TMEM202: variants seen among roughly 807,000 people sequenced by gnomAD.
TMEM202 encodes the protein transmembrane protein 202.
TMEM202 carries 25 observed loss-of-function variants against 26.1 expected under a neutral mutation model. That is an observed-to-expected ratio of 0.96 (90% CI 0.70 to 1.34). The LOEUF is 1.34. Among genes scored for constraint, TMEM202 ranks in the 40% most tolerant of loss-of-function variants. The pLI is 0.00. For synonymous variants in TMEM202, 122 were observed against 119.0 expected (o/e 1.02, Z -0.16); for missense variants, 301 against 327.7 (o/e 0.92, Z 0.63).
At position 72,398,544 on chromosome 15, in the gene TMEM202, T is replaced by A. The variant is rs1205974237; in HGVS notation, c.82-109T>A. The A allele has an allele frequency of 1.6e-5, 23 of 1,445,950 alleles. No homozygotes were observed. In the East Asian group the frequency reaches 4.4e-4, roughly 28 times the overall value. The allele number at this position is 1,445,950 out of a possible 1,614,324, so 89.6% of individuals were successfully genotyped here. On this transcript the variant is annotated intron_variant, in intron 1 of 4. Transcript: ENST00000341689. ...TTTTTTTTTTAGGAGTAGGGAAAAA[T>A]ATCTATAAATCAAACACACATGGGA...
chr15:72,399,366 C>T (rs963173310), intron 2 of TMEM202, among the ~76,000 whole-genome samples: 2 of 152,004 alleles, frequency 1.3e-5, no homozygotes, highest in African/African-American at 4.8e-5. Context: ...ATTTCCCAGG[C>T]TGGTCTCAAA....
Position 72,398,313 on chromosome 15 carries a change from A to G in TMEM202, c.-14A>G. 6.2e-7 allele frequency: 1 copy of G among 1,606,526 alleles called. No individual in the cohort carries two copies. Among genetic ancestry groups the G allele is most frequent in the Non-Finnish European group, 8.5e-7 (1 of 1,175,176 alleles). ...GAGACAAATTCCGTGGCAGTTAGAG[A>G]ACTAACTGCCAAGATGGAGCGAAGG... On this transcript the variant is annotated 5_prime_UTR_variant, in exon 1 of 5. Coordinates refer to ENST00000341689, the MANE Select transcript of TMEM202 (RefSeq NM_001080462.3).
intron 3 of TMEM202, 68 bp downstream of exon 3, chr15:72,406,819 G>C: frequency 6.6e-7 from 1 of 1,526,346 alleles, no homozygotes; most frequent in Non-Finnish European, 9.0e-7. Context: ...TTTCTCTGTG[G>C]AACTCTCATA....
intron 4 of TMEM202, among the ~76,000 whole-genome samples, 192 bp from the exon 5 acceptor site, chr15:72,407,499 C>G (rs2063578161): frequency 6.6e-6 from 1 of 152,224 alleles, no homozygotes; most frequent in Non-Finnish European, 1.5e-5. Context: ...GAGGTTCAAG[C>G]TTTGTCCTAA....
intron 2 of TMEM202, among the ~76,000 whole-genome samples, chr15:72,401,111 G>A (rs1261576695): frequency 6.6e-6 from 1 of 152,170 alleles, no homozygotes; most frequent in Non-Finnish European, 1.5e-5. Flanking sequence ...GTTTTGGCTG[G>A]CTTCTTTACC....
chr15:72,407,681 C>A lies in TMEM202; in HGVS notation c.620-10C>A. 2 of 1,613,526 alleles carry A rather than the reference C, an allele frequency of 1.2e-6. No individual in the cohort carries two copies. The highest frequency in any genetic ancestry group is 8.5e-7 in the Non-Finnish European group (1 of 1,179,484). On this transcript the variant is annotated splice_polypyrimidine_tract_variant and intron_variant, in intron 4 of 4. Transcript: ENST00000341689. ...ATTGAACCTCACCTCAAATTATTCCCTTCCCGTAGGGATCATCTCTCTTCT... is the reference window on the plus strand; with the variant it reads ...ATTGAACCTCACCTCAAATTATTCCATTCCCGTAGGGATCATCTCTCTTCT...
chr15:72,399,712 A>G (rs1003977548), intron 2 of TMEM202, among the ~76,000 whole-genome samples: 2 of 152,254 alleles, frequency 1.3e-5, no homozygotes, highest in Non-Finnish European at 2.9e-5. Flanking sequence ...TAAATCTGAA[A>G]GTGCAACACA....
Position 72,407,711 on chromosome 15 carries a change from T to A in TMEM202, c.640T>A (p.Tyr214Asn), listed in dbSNP as rs371706800. Reference sequence around the variant, plus strand: ...CGTAGGGATCATCTCTCTTCTCAACTACTTAACTTCCAGATCGCCTGCCTG... The same window carrying A: ...CGTAGGGATCATCTCTCTTCTCAACAACTTAACTTCCAGATCGCCTGCCTG... ...MFAGIISLLN[Y>N]LTSRSPACDE... The change falls in exon 5 of 5, where the codon TAC becomes AAC. Residue 214 changes from tyrosine to asparagine, a missense_variant. Physicochemically the swap from Tyr to Asn is moderately radical, Grantham distance 143 (BLOSUM62 -2). Coordinates refer to ENST00000341689, the MANE Select transcript of TMEM202 (RefSeq NM_001080462.3). 8.1e-6 allele frequency: 13 copies of A among 1,613,808 alleles called. No homozygotes were observed. In the African/African-American group the frequency reaches 1.7e-4, roughly 22 times the overall value.
chr15:72,404,444 G>T (rs1178640713), intron 2 of TMEM202, among the ~76,000 whole-genome samples: 1 of 151,948 alleles, frequency 6.6e-6, no homozygotes, highest in Admixed American at 6.6e-5. Context: ...AAAAAATGTG[G>T]CTCAGAAGAA....
At chr15:72,401,284 C>T (rs1249252380) in intron 2 of TMEM202, among the ~76,000 whole-genome samples, 1 of 152,160 alleles carries the variant, frequency 6.6e-6, no homozygotes, top group Non-Finnish European at 1.5e-5. Context: ...GGTTCAAACA[C>T]CTCTGATATC....
At chr15:72,401,479 G>A (rs935722372) in intron 2 of TMEM202, among the ~76,000 whole-genome samples, 1 of 152,178 alleles carries the variant, frequency 6.6e-6, no homozygotes, top group Non-Finnish European at 1.5e-5. Context: ...GGATGCAGAG[G>A]TTGTTGTGAG....
intron 3 of TMEM202, 144 bp downstream of exon 3, chr15:72,406,895 A>G (rs376904508): frequency 1.7e-6 from 2 of 1,164,326 alleles, no homozygotes; most frequent in East Asian, 4.7e-5. Context: ...TGCCTTATCT[A>G]ATTATATAGA....
At chr15:72,399,281 T>C (rs1160930575) in intron 2 of TMEM202, among the ~76,000 whole-genome samples, 2 of 152,244 alleles carry the variant, frequency 1.3e-5, no homozygotes, top group Non-Finnish European at 2.9e-5. Context: ...GAACTACAGA[T>C]GTGTGCCAAC....
intron 2 of TMEM202, 105 bp from the exon 3 acceptor site, chr15:72,406,497 A>G (rs1162727149): frequency 1.1e-5 from 10 of 890,144 alleles, no homozygotes; most frequent in African/African-American, 3.4e-5. Flanking sequence ...GCTCTGCTCC[A>G]TCATCCTTTG....
In TMEM202 at chr15:72,398,353, G is replaced by T; in HGVS notation, c.27G>T (p.Leu9Phe). Residue 9 changes from leucine to phenylalanine, a missense_variant, in exon 1 of 5, where the codon TTG (leucine) becomes TTT (phenylalanine). Transcript: ENST00000341689. Reference sequence around the variant, plus strand: ...TGGAGCGAAGGGAACATTTAACCTTGACTTTCCACAGTCCTGAGGTTCCCA... The same window carrying T: ...TGGAGCGAAGGGAACATTTAACCTTTACTTTCCACAGTCCTGAGGTTCCCA... MERREHLT[L>F]TFHSPEVPKI... 1.2e-6 allele frequency: 2 copies of T among 1,613,380 alleles called. No individual in the cohort carries two copies. Among genetic ancestry groups the T allele is most frequent in the South Asian group, 2.2e-5 (2 of 90,696 alleles).
At chr15:72,405,942 A>G (rs1452260858) in intron 2 of TMEM202, among the ~76,000 whole-genome samples, 2 of 152,220 alleles carry the variant, frequency 1.3e-5, no homozygotes, top group African/African-American at 4.8e-5. Flanking sequence ...AAATAGATAA[A>G]TAAAGTAAAT....
chr15:72,399,114 C>T (rs184735368), intron 2 of TMEM202, among the ~76,000 whole-genome samples: 2 of 152,306 alleles, frequency 1.3e-5, no homozygotes, highest in Non-Finnish European at 2.9e-5. Flanking sequence ...GGGTTATACT[C>T]TCTTTATGGG....
intron 2 of TMEM202, among the ~76,000 whole-genome samples, chr15:72,406,383 GC>G (rs2063571529): frequency 6.6e-6 from 1 of 152,082 alleles, no homozygotes; most frequent in Non-Finnish European, 1.5e-5. Flanking sequence ...CCTTTTATAA[GC>G]TAGTTTATAT....
At chr15:72,400,040 G>A (rs2063540429) in intron 2 of TMEM202, among the ~76,000 whole-genome samples, 1 of 152,206 alleles carries the variant, frequency 6.6e-6, no homozygotes, top group African/African-American at 2.4e-5. Context: ...TATCCTGCAT[G>A]ATCTTGAGAA....
Sources: gnomAD v4.1 joint callset for allele counts (sites outside exome capture counted in the v4.1 genomes callset) on GRCh38, gnomAD v4.1.1 for gene constraint, MANE v1.5 for transcripts, NCBI Gene and HGNC (gene_info 2026-07-23, HGNC 2026-07-21) for gene names.